MYO16: variants seen among roughly 807,000 people sequenced by gnomAD.
The protein encoded by MYO16 is myosin XVI, also known as unconventional myosin-XVI.
Under a neutral mutation model 205.3 loss-of-function variants are expected in MYO16, and 94 were observed. The observed-to-expected ratio is 0.46, with a 90% CI of 0.39 to 0.54. The LOEUF (loss-of-function observed/expected upper bound fraction) is 0.54, where lower values mean the gene tolerates loss of function less well. Ranked by LOEUF, MYO16 falls within the 20% of genes least tolerant of loss-of-function variation. MYO16 has a pLI of 0.00. For missense variants in MYO16, 2,315 were observed against 2,387.5 expected (o/e 0.97, Z 0.63); for synonymous variants, 988 against 954.0 (o/e 1.04, Z -0.66).
At chr13:109,084,398 GC>G (rs1888375109) in intron 27 of MYO16, among the ~76,000 whole-genome samples, 1 of 152,086 alleles carries the variant, frequency 6.6e-6, no homozygotes, top group Non-Finnish European at 1.5e-5. Context: ...GTGACCAGGT[GC>G]CAATTAAAGT....
At chr13:108,496,742 G>A in the MYO16 span, among the ~76,000 whole-genome samples, 1 of 152,242 alleles carries the variant, frequency 6.6e-6, no homozygotes, top group African/African-American at 2.4e-5. Flanking sequence ...AGATGTCTGT[G>A]TGGGGGTTGT....
intron 3 of MYO16, among the ~76,000 whole-genome samples, chr13:108,718,823 T>C (rs987571306): frequency 1.3e-5 from 2 of 152,114 alleles, no homozygotes; most frequent in African/African-American, 4.8e-5. Flanking sequence ...TTTTAGATCA[T>C]TAGTGAGATA....
Position 109,140,217 on chromosome 13 carries a change from C to G in MYO16, c.4052-47C>G, listed in dbSNP as rs750491476. 5.7e-6 allele frequency: 9 copies of G among 1,586,552 alleles called. No individual in the cohort carries two copies. The highest frequency in any genetic ancestry group is 6.8e-6 in the Non-Finnish European group (8 of 1,173,956). Reference sequence around the variant, plus strand: ...TCGAGCCCCGGGCTTGGTGGGCACCCGTGGGCCTGGCCTGGCACCCACTGA... The same window carrying G: ...TCGAGCCCCGGGCTTGGTGGGCACCGGTGGGCCTGGCCTGGCACCCACTGA... On this transcript the variant is annotated intron_variant, in intron 31 of 34. Transcript: ENST00000457511. The surrounding 1 kb of genome is among the most constrained non-coding windows in gnomAD (Gnocchi z 8.0).
intron 1 of MYO16, among the ~76,000 whole-genome samples, chr13:108,664,182 T>A (rs1881624422): frequency 6.6e-6 from 1 of 152,228 alleles, no homozygotes; most frequent in Non-Finnish European, 1.5e-5. Context: ...AAGAGTCTTA[T>A]GAAAACATAT....
chr13:108,529,666 T>G, the MYO16 span, among the ~76,000 whole-genome samples: 1 of 152,212 alleles, frequency 6.6e-6, no homozygotes, highest in Non-Finnish European at 1.5e-5. Flanking sequence ...CATAACTGGA[T>G]GGCAGGGTAA....
At chr13:108,652,141 A>ATG (rs201166204) in intron 1 of MYO16, among the ~76,000 whole-genome samples, 73 of 148,524 alleles carry the variant, frequency 4.9e-4, no homozygotes, top group Middle Eastern at 7.0e-3. Flanking sequence ...ACAGATACCA[A>ATG]TGTGTGTGTG....
At chr13:108,652,603 C>A (rs1268937265) in intron 1 of MYO16, among the ~76,000 whole-genome samples, 3 of 152,192 alleles carry the variant, frequency 2.0e-5, no homozygotes, top group Non-Finnish European at 4.4e-5. Context: ...CTACTTTCTG[C>A]TTCTGAGTTT....
chr13:108,895,158 G>A (rs971038372), intron 14 of MYO16, among the ~76,000 whole-genome samples: 28 of 151,536 alleles, frequency 1.8e-4, no homozygotes, highest in Admixed American at 6.6e-5. Flanking sequence ...AATAGTCCAT[G>A]ACTTATATAG....
intron 34 of MYO16, among the ~76,000 whole-genome samples, chr13:109,191,467 G>A (rs373719770): frequency 9.9e-5 from 15 of 152,170 alleles, no homozygotes; most frequent in African/African-American, 3.6e-4. Context: ...GCAGGGTTGG[G>A]AGGGTCAGAC....
chr13:108,516,270 C>T, the MYO16 span, among the ~76,000 whole-genome samples: 2 of 151,422 alleles, frequency 1.3e-5, no homozygotes, highest in East Asian at 2.0e-4. Context: ...TTCTTTGACT[C>T]GGAAAGGGAA....
chr13:108,830,424 G>A (rs1191557392), intron 9 of MYO16, among the ~76,000 whole-genome samples: 3 of 151,448 alleles, frequency 2.0e-5, no homozygotes. Flanking sequence ...GGAATACTGT[G>A]CAGCCATAAA....
intron 1 of MYO16, among the ~76,000 whole-genome samples, chr13:108,660,539 T>A (rs1396833203): frequency 6.6e-6 from 1 of 152,238 alleles, no homozygotes; most frequent in Non-Finnish European, 1.5e-5. Context: ...TCTCTTTGTC[T>A]CTTTTAACTA....
chr13:109,137,951 T>C (rs937050717), intron 31 of MYO16, among the ~76,000 whole-genome samples: 1 of 152,212 alleles, frequency 6.6e-6, no homozygotes, highest in African/African-American at 2.4e-5. Context: ...TCTAACATAC[T>C]GTAGAACTCA....
the MYO16 span, among the ~76,000 whole-genome samples, chr13:108,540,132 T>C: frequency 6.6e-6 from 1 of 152,154 alleles, no homozygotes; most frequent in Non-Finnish European, 1.5e-5. Flanking sequence ...GCTTCTCACT[T>C]TTCTTGTGCA....
upstream of MYO16, among the ~76,000 whole-genome samples, chr13:108,591,855 T>C (rs1163511600): frequency 6.6e-6 from 1 of 151,990 alleles, no homozygotes; most frequent in East Asian, 1.9e-4. Context: ...CATGGCTGAG[T>C]GTAGAGAAGA....
intron 16 of MYO16, among the ~76,000 whole-genome samples, chr13:108,915,618 C>T (rs1881465510): frequency 6.6e-6 from 1 of 152,042 alleles, no homozygotes; most frequent in Non-Finnish European, 1.5e-5. Context: ...TTAATGAAAG[C>T]CAGAAATAGT....
intron 28 of MYO16, among the ~76,000 whole-genome samples, chr13:109,117,440 ATATATATGTATATATATGTATGTG>A (rs1875765258): frequency 7.2e-6 from 1 of 139,416 alleles, no homozygotes; most frequent in Admixed American, 7.2e-5. Context: ...ATATATATGT[ATATATATGTATATATATGTATGTG>A]TATATATGTA....
At chr13:109,188,806 A>G (rs1879791311) in intron 34 of MYO16, among the ~76,000 whole-genome samples, 1 of 152,176 alleles carries the variant, frequency 6.6e-6, no homozygotes, top group Non-Finnish European at 1.5e-5. Flanking sequence ...CAAGAGAAGG[A>G]AGCAGGGCCA....
intron 3 of MYO16, among the ~76,000 whole-genome samples, chr13:108,725,470 T>C (rs2139579512): frequency 6.6e-6 from 1 of 152,306 alleles, no homozygotes; most frequent in South Asian, 2.1e-4. Context: ...GGCCTGAATT[T>C]GAAATTTTTT....
Sources: gnomAD v4.1 joint callset for allele counts (sites outside exome capture counted in the v4.1 genomes callset) on GRCh38, gnomAD v4.1.1 for gene constraint, Gnocchi (gnomAD v3.1) non-coding constraint, MANE v1.5 for transcripts, NCBI Gene and HGNC (gene_info 2026-07-23, HGNC 2026-07-21) for gene names.